Variants in RBFOX3 observed in about 807,000 individuals in gnomAD.
RBFOX3 encodes RNA binding fox-1 homolog 3, also known as RNA binding protein fox-1 homolog 3.
In RBFOX3, 17 loss-of-function variants were observed where a neutral mutation model predicts 48.7. That is an observed-to-expected ratio of 0.35 (90% CI 0.24 to 0.52). RBFOX3 has a LOEUF of 0.52. Ranked by LOEUF, RBFOX3 falls within the 20% of genes least tolerant of loss-of-function variation. RBFOX3 has a pLI of 0.94. For missense variants in RBFOX3, 382 were observed against 497.5 expected (o/e 0.77, Z 2.21); for synonymous variants, 212 against 209.5 (o/e 1.01, Z -0.10).
At chr17:79,592,114 GT>G (rs2093437136) in intron 1 of RBFOX3, among the ~76,000 whole-genome samples, 1 of 151,322 alleles carries the variant, frequency 6.6e-6, no homozygotes, top group Non-Finnish European at 1.5e-5. Flanking sequence ...TGTGTGTAGT[GT>G]GTGTGGAATG....
At chr17:79,519,087 G>A (rs1339773030) in intron 1 of RBFOX3, among the ~76,000 whole-genome samples, 9 of 152,202 alleles carry the variant, frequency 5.9e-5, no homozygotes, top group East Asian at 1.9e-4. Flanking sequence ...CCGGGCCCCC[G>A]AAACAGATGC....
chr17:79,438,685 G>A (rs533064101), intron 2 of RBFOX3, among the ~76,000 whole-genome samples: 3 of 152,344 alleles, frequency 2.0e-5, no homozygotes, highest in Admixed American at 1.3e-4. Flanking sequence ...GCCAGCAGGG[G>A]CCGTGCCTAC....
chr17:79,622,797 C>T, the RBFOX3 span, among the ~76,000 whole-genome samples: 2 of 152,186 alleles, frequency 1.3e-5, no homozygotes, highest in South Asian at 2.1e-4. Flanking sequence ...GGAGTTAGGA[C>T]GGCACCATAT....
the RBFOX3 span, among the ~76,000 whole-genome samples, chr17:79,662,084 ATT>A: frequency 4.2e-5 from 6 of 144,088 alleles, no homozygotes; most frequent in South Asian, 2.2e-4. Context: ...TAGAAGACAG[ATT>A]TTTTTTTGAT....
intron 3 of RBFOX3, among the ~76,000 whole-genome samples, chr17:79,277,884 G>A (rs2069296055): frequency 6.6e-6 from 1 of 152,228 alleles, no homozygotes; most frequent in Non-Finnish European, 1.5e-5. Context: ...GGACTCACGG[G>A]GATGGGAGGT....
chr17:79,546,935 G>T (rs1292840022), intron 1 of RBFOX3, among the ~76,000 whole-genome samples: 1 of 151,908 alleles, frequency 6.6e-6, no homozygotes, highest in East Asian at 2.0e-4. Context: ...CTCCCAAAGT[G>T]CTGGGATTAC....
chr17:79,563,501 T>G (rs2092335640), intron 1 of RBFOX3, among the ~76,000 whole-genome samples: 1 of 152,236 alleles, frequency 6.6e-6, no homozygotes, highest in Non-Finnish European at 1.5e-5. Flanking sequence ...CATGGCATGA[T>G]TTAAAGGAGT....
chr17:79,283,800 TC>T (rs1383605236), intron 3 of RBFOX3, among the ~76,000 whole-genome samples: 2 of 152,254 alleles, frequency 1.3e-5, no homozygotes, highest in Non-Finnish European at 2.9e-5. Flanking sequence ...CTTTGTTGGA[TC>T]CATCGCCTAG....
the RBFOX3 span, among the ~76,000 whole-genome samples, chr17:79,654,210 T>C: frequency 1.3e-5 from 2 of 152,192 alleles, no homozygotes; most frequent in African/African-American, 4.8e-5. Flanking sequence ...CCGGAGAGGC[T>C]GTGTTTACCC....
chr17:79,628,513 G>A, the RBFOX3 span, among the ~76,000 whole-genome samples: 1 of 152,304 alleles, frequency 6.6e-6, no homozygotes. Flanking sequence ...AGGAGCTGGG[G>A]CCAGCGAGGG....
intron 3 of RBFOX3, among the ~76,000 whole-genome samples, chr17:79,248,444 G>T (rs748049221): frequency 3.9e-5 from 6 of 152,180 alleles, no homozygotes; most frequent in Non-Finnish European, 7.4e-5. Context: ...AGGGTGGGGG[G>T]TCTTAGAGAC....
intron 4 of RBFOX3, among the ~76,000 whole-genome samples, chr17:79,156,439 C>T (rs56345003): frequency 5.3e-5 from 8 of 152,088 alleles, no homozygotes; most frequent in Non-Finnish European, 8.8e-5. Context: ...CCACACACTG[C>T]GGGGGCAGGG....
Position 79,302,457 on chromosome 17 carries a change from A to G in RBFOX3, c.-74+5267T>C, listed in dbSNP as rs1263407811. 2.0e-5 allele frequency among the ~76,000 whole-genome samples: 3 copies of G among 152,178 alleles called. No individual in the cohort carries two copies. In the East Asian group the frequency reaches 5.8e-4, roughly 29 times the overall value. On this transcript the variant is annotated intron_variant, in intron 3 of 14. Transcript: ENST00000693108. ...CACTTTGGGAGGCCGAGGCGGGTGG[A>G]TCACCTGAGGTCAGGAATTTGAGAC... is the stretch of plus-strand genomic sequence containing the variant.
chr17:79,310,672 G>T (rs1761101669), intron 2 of RBFOX3, among the ~76,000 whole-genome samples: 1 of 152,172 alleles, frequency 6.6e-6, no homozygotes, highest in Admixed American at 6.5e-5. Flanking sequence ...CCCAGCCTCT[G>T]CCCGGGCCCT....
chr17:79,103,350 A>C lies in RBFOX3; in HGVS notation c.415-96T>G. 1.5e-6 allele frequency: 1 copy of C among 674,698 alleles called. No individual in the cohort carries two copies. The highest frequency in any genetic ancestry group is 2.6e-6 in the Non-Finnish European group (1 of 377,950). 41.8% of individuals were successfully genotyped at this position (674,698 alleles called of 1,614,324 possible). ...GGAAGAAGAGGAGTGGGAGGGGGGC[A>C]GGGGAGTGGGGAGAGAGAGAGAAGG... On this transcript the variant is annotated intron_variant, in intron 7 of 14. Coordinates refer to ENST00000693108, the MANE Select transcript of RBFOX3 (RefSeq NM_001350451.2). The surrounding 1 kb of genome is among the most constrained non-coding windows in gnomAD (Gnocchi z 6.1).
chr17:79,239,509 C>T (rs1032191816), intron 3 of RBFOX3, among the ~76,000 whole-genome samples: 1 of 152,232 alleles, frequency 6.6e-6, no homozygotes, highest in African/African-American at 2.4e-5. Context: ...CAGAGCAAGA[C>T]CCGCCTGCCA....
chr17:79,349,868 C>T (rs537078331), intron 2 of RBFOX3, among the ~76,000 whole-genome samples: 1 of 151,522 alleles, frequency 6.6e-6, no homozygotes, highest in African/African-American at 2.4e-5. Flanking sequence ...CTGAGCCCCC[C>T]GGGGCAGGCA....
Position 79,090,463 on chromosome 17 carries a change from A to C in RBFOX3, c.*420T>G. 5.6e-6 allele frequency: 1 copy of C among 178,096 alleles called. No individual in the cohort carries two copies. Among genetic ancestry groups the C allele is most frequent in the Non-Finnish European group, 1.2e-5 (1 of 85,144 alleles). The allele number at this position is 178,096 out of a possible 1,614,324, so 11.0% of individuals were successfully genotyped here. ...TCTTGCTAGCAGCGCCTGCCTGCTC[A>C]GGCCCGGGCCTGCTCCGCCGCCGCT... is the stretch of plus-strand genomic sequence containing the variant. On this transcript the variant is annotated 3_prime_UTR_variant, in exon 15 of 15. Transcript: ENST00000693108.
At chr17:79,560,160 G>A (rs1346293113) in intron 1 of RBFOX3, among the ~76,000 whole-genome samples, 2 of 151,770 alleles carry the variant, frequency 1.3e-5, no homozygotes, top group Non-Finnish European at 2.9e-5. Flanking sequence ...CCCACCCACC[G>A]TCAATCTCCA....
Sources: allele counts gnomAD v4.1 joint callset (sites outside exome capture counted in the v4.1 genomes callset), GRCh38; gene constraint gnomAD v4.1.1; non-coding constraint Gnocchi (gnomAD v3.1); transcripts MANE v1.5; gene names NCBI Gene and HGNC (gene_info 2026-07-23, HGNC 2026-07-21).